The following SYTL3 variants were observed in gnomAD, a reference collection of about 807,000 sequenced individuals.
SYTL3 encodes the protein synaptotagmin like 3, also known as synaptotagmin-like protein 3.
Under a neutral mutation model 82.1 loss-of-function variants are expected in SYTL3, and 88 were observed. The observed-to-expected ratio is 1.07, with a 90% confidence interval of 0.90 to 1.28. The LOEUF (loss-of-function observed/expected upper bound fraction) is 1.28. SYTL3 is among the 50% of genes most tolerant of loss of function. The pLI is 0.00. For missense variants in SYTL3, 831 were observed against 757.6 expected (o/e 1.10, Z -1.14); for synonymous variants, 311 against 289.4 (o/e 1.07, Z -0.76).
chr6:158,663,631 T>A, intron 4 of SYTL3: 2 of 984,534 alleles, frequency 2.0e-6, no homozygotes, highest in Non-Finnish European at 2.4e-6. Flanking sequence ...GGGCGGTAAG[T>A]TTGCTGTCTG....
chr6:158,747,269 G>C lies in SYTL3; in HGVS notation c.1034+1611G>C, dbSNP rs1026693211. 3.9e-5 allele frequency among the ~76,000 whole-genome samples: 6 copies of C among 152,244 alleles called. No homozygotes were observed. The East Asian group carries it at 1.2e-3, about 29-fold the overall frequency. On this transcript the variant is annotated intron_variant, in intron 12 of 17. Transcript: ENST00000611299. ...CCCAGAGTGCTGGGATTACAGGCAT[G>C]AACCACTGTGCCTGGCCAGGCTTAT...
chr6:158,759,661 A>G (rs537570803), intron 14 of SYTL3, among the ~76,000 whole-genome samples: 1 of 152,168 alleles, frequency 6.6e-6, no homozygotes, highest in South Asian at 2.1e-4. Flanking sequence ...CCTCCCTAGT[A>G]GCTGGGATTA....
chr6:158,756,573 G>A (rs1050439458), intron 13 of SYTL3, among the ~76,000 whole-genome samples: 11 of 152,010 alleles, frequency 7.2e-5, no homozygotes, highest in African/African-American at 1.5e-4. Context: ...CAAGCCGGGC[G>A]TGGTGTTGGG....
intron 11 of SYTL3, chr6:158,726,302 G>T: frequency 2.5e-6 from 1 of 401,018 alleles, no homozygotes; most frequent in South Asian, 2.3e-5. Context: ...TGACACAGGC[G>T]TCTTCAGGTT....
chr6:158,747,178 G>A (rs1356912690), intron 12 of SYTL3, among the ~76,000 whole-genome samples: 1 of 151,756 alleles, frequency 6.6e-6, no homozygotes, highest in Non-Finnish European at 1.5e-5. Context: ...GTAGAGACGG[G>A]GTTTCCCCGT....
At chr6:158,752,767 A>G (rs1394939695) in intron 13 of SYTL3, among the ~76,000 whole-genome samples, 3 of 152,130 alleles carry the variant, frequency 2.0e-5, no homozygotes, top group Admixed American at 2.0e-4. Flanking sequence ...ATGACAGGAG[A>G]GGGCTTTGTT....
intron 1 of SYTL3, 148 bp from the exon 2 acceptor site, chr6:158,651,605 A>G (rs1788030031): frequency 1.3e-5 from 2 of 151,924 alleles, no homozygotes. Context: ...AAATAAATAA[A>G]TAAATAATAA....
chr6:158,746,520 C>T (rs1027646255), intron 12 of SYTL3, among the ~76,000 whole-genome samples: 32 of 148,750 alleles, frequency 2.2e-4, no homozygotes, highest in Non-Finnish European at 3.3e-4. Flanking sequence ...GACTGGAGTG[C>T]GGTGGCGCAA....
At chr6:158,762,727 G>C (rs955981561) in intron 16 of SYTL3, among the ~76,000 whole-genome samples, 5 of 152,096 alleles carry the variant, frequency 3.3e-5, no homozygotes, top group Non-Finnish European at 7.4e-5. Context: ...AACTAGCCTG[G>C]CCAACATGAT....
intron 6 of SYTL3, among the ~76,000 whole-genome samples, chr6:158,683,519 A>T (rs976006215): frequency 6.6e-6 from 1 of 152,124 alleles, no homozygotes; most frequent in Admixed American, 6.6e-5. Flanking sequence ...GGGCCCGGCC[A>T]GGTTGGCCCC....
At position 158,745,562 on chromosome 6, in the gene SYTL3, C is replaced by T; in HGVS notation, c.938C>T (p.Ala313Val). Residue 313 changes from alanine to valine, a missense_variant, in exon 12 of 18, where the codon GCC becomes GTC. Physicochemically the swap from Ala to Val is moderately conservative, Grantham distance 64. Coordinates refer to ENST00000611299, the MANE Select transcript of SYTL3 (RefSeq NM_001242394.2). Reference sequence around the variant, plus strand: ...AATGTCACTGGAGAAATAGAATTTGCCATTCATTATTGCTTCAAAACCCAT... The same window carrying T: ...AATGTCACTGGAGAAATAGAATTTGTCATTCATTATTGCTTCAAAACCCAT... ...NANVTGEIEF[A>V]IHYCFKTHSL... 1 of 1,613,630 alleles carries T rather than the reference C, an allele frequency of 6.2e-7. No individual in the cohort carries two copies. The highest frequency in any genetic ancestry group is 1.1e-5 in the South Asian group (1 of 91,048).
upstream of SYTL3, among the ~76,000 whole-genome samples, chr6:158,646,284 G>T (rs1787454294): frequency 6.6e-6 from 1 of 152,108 alleles, no homozygotes; most frequent in Non-Finnish European, 1.5e-5. Context: ...TCCTGCCTTA[G>T]CCTCCTGAGC....
chr6:158,653,745 A>C (rs1382441258), intron 2 of SYTL3, among the ~76,000 whole-genome samples: 1 of 152,162 alleles, frequency 6.6e-6, no homozygotes, highest in Non-Finnish European at 1.5e-5. Context: ...AACGTTCTGT[A>C]GTCTTCCCTT....
intron 6 of SYTL3, among the ~76,000 whole-genome samples, chr6:158,693,913 G>A (rs530909215): frequency 3.7e-5 from 5 of 134,156 alleles, no homozygotes; most frequent in African/African-American, 1.2e-4. Flanking sequence ...GGCTGGTCTC[G>A]AACTCCTGAG....
intron 11 of SYTL3, among the ~76,000 whole-genome samples, chr6:158,738,487 C>T (rs573882916): frequency 1.8e-4 from 27 of 152,238 alleles, no homozygotes; most frequent in Non-Finnish European, 2.6e-4. Flanking sequence ...CCTGCCCTCC[C>T]CTGCCTTCTC....
chr6:158,731,509 C>T (rs886504304), intron 11 of SYTL3, among the ~76,000 whole-genome samples: 5 of 152,072 alleles, frequency 3.3e-5, no homozygotes, highest in African/African-American at 1.2e-4. Context: ...AAAAAAGCAT[C>T]ATCACCTTCA....
rs375003181 is a variant in SYTL3 at position 158,764,581 on chromosome 6, G to A, written c.1810G>A (p.Asp604Asn). ...CCTTTCCAGCCCCAATCTATGGACA[G>A]ACATGACTCTTGTCCTGCACTGACA... ...KVLSSPNLWT[D>N]MTLVLH The change falls in exon 18 of 18, where the codon GAC (aspartate) becomes AAC (asparagine). Residue 604 changes from aspartate (D) to asparagine (N), a missense_variant. Physicochemically the swap from Asp to Asn is conservative, Grantham distance 23. Transcript: ENST00000611299. 6.2e-7 allele frequency: 1 copy of A among 1,613,656 alleles called. No homozygotes were observed. Among genetic ancestry groups the A allele is most frequent in the Non-Finnish European group, 8.5e-7 (1 of 1,179,596 alleles).
chr6:158,749,268 C>T (rs1264922363), intron 12 of SYTL3, among the ~76,000 whole-genome samples: 1 of 150,252 alleles, frequency 6.7e-6, no homozygotes, highest in African/African-American at 2.4e-5. Context: ...TGGCACACAC[C>T]TGTAGTCCCA....
intron 11 of SYTL3, among the ~76,000 whole-genome samples, chr6:158,739,733 A>T (rs763306578): frequency 6.6e-6 from 1 of 152,074 alleles, no homozygotes; most frequent in Non-Finnish European, 1.5e-5. Flanking sequence ...CAGACTGGTC[A>T]TGAACTCCTG....
Sources: allele counts gnomAD v4.1 joint callset (sites outside exome capture counted in the v4.1 genomes callset), GRCh38; gene constraint gnomAD v4.1.1; transcripts MANE v1.5; gene names NCBI Gene and HGNC (gene_info 2026-07-23, HGNC 2026-07-21).